Variants in FOXP2 observed in about 807,000 individuals in gnomAD.
FOXP2 encodes the protein forkhead box protein P2.
FOXP2 carries 12 observed loss-of-function variants against 115.8 expected under a neutral mutation model. The observed-to-expected ratio is 0.10, with a 90% CI of 0.07 to 0.17. FOXP2 has a LOEUF of 0.17. Ranked by LOEUF, FOXP2 falls within the 10% of genes least tolerant of loss-of-function variation. The probability of loss-of-function intolerance (pLI) is 1.00; values close to 1 mark genes in which losing one functional copy is unlikely to be tolerated. For missense variants in FOXP2, 629 were observed against 843.5 expected (o/e 0.75, Z 3.15); for synonymous variants, 328 against 297.7 (o/e 1.10, Z -1.05).
chr7:114,689,526 C>A (rs1808546361), intron 16 of FOXP2, among the ~76,000 whole-genome samples: 1 of 152,082 alleles, frequency 6.6e-6, no homozygotes, highest in Admixed American at 6.6e-5. Flanking sequence ...AGAAAGAATG[C>A]TGAGAAACGG....
At chr7:114,128,238 C>T (rs1268899536) in intron 1 of FOXP2, among the ~76,000 whole-genome samples, 2 of 152,036 alleles carry the variant, frequency 1.3e-5, no homozygotes, top group African/African-American at 4.8e-5. Context: ...TGCAAACAAA[C>T]CGAAGGAATT....
At chr7:114,533,893 T>C (rs1033193218) in intron 2 of FOXP2, among the ~76,000 whole-genome samples, 1 of 151,968 alleles carries the variant, frequency 6.6e-6, no homozygotes, top group African/African-American at 2.4e-5. Flanking sequence ...TAATTTCTTA[T>C]GTTAAGTTTT....
chr7:114,439,012 T>C (rs1794474682), intron 2 of FOXP2, among the ~76,000 whole-genome samples: 1 of 152,188 alleles, frequency 6.6e-6, no homozygotes, highest in African/African-American at 2.4e-5. Context: ...TGTATGTGAA[T>C]GTGTAATGAT....
At chr7:114,680,246 A>G (rs1287668189) in intron 16 of FOXP2, among the ~76,000 whole-genome samples, 1 of 152,194 alleles carries the variant, frequency 6.6e-6, no homozygotes, top group Non-Finnish European at 1.5e-5. Context: ...TTTTTGTAGT[A>G]AGGAAAATGT....
chr7:114,601,409 G>A (rs919943264), intron 3 of FOXP2, among the ~76,000 whole-genome samples: 1 of 152,130 alleles, frequency 6.6e-6, no homozygotes, highest in Non-Finnish European at 1.5e-5. Flanking sequence ...TTTCTCGTAT[G>A]TTAATTTTAG....
intron 2 of FOXP2, among the ~76,000 whole-genome samples, chr7:114,313,130 A>G (rs951131102): frequency 1.3e-5 from 2 of 152,148 alleles, no homozygotes; most frequent in Non-Finnish European, 1.5e-5. Context: ...AAGTTTCTAG[A>G]CTCACTACAT....
In FOXP2 at chr7:114,679,886, A is replaced by G. The variant is rs187765575; in HGVS notation, c.2004-9896A>G. ...TCTGCCTTGTGTTAAAGTTACTTGT[A>G]TATATGTCTTACCTCCTCTATTAGA... On this transcript the variant is annotated intron_variant, in intron 16 of 16. Coordinates refer to ENST00000350908, the MANE Select transcript of FOXP2 (RefSeq NM_014491.4). Among the ~76,000 whole-genome samples, 10 of 152,246 alleles carry G rather than the reference A, an allele frequency of 6.6e-5. No homozygotes were observed. The East Asian group carries it at 1.5e-3, about 24-fold the overall frequency.
At chr7:114,307,366 A>C (rs1797038319) in intron 2 of FOXP2, among the ~76,000 whole-genome samples, 1 of 152,132 alleles carries the variant, frequency 6.6e-6, no homozygotes. Context: ...AGTAGGTCTT[A>C]TTTTAGCCAG....
At chr7:114,567,454 C>G (rs1478667378) in intron 3 of FOXP2, among the ~76,000 whole-genome samples, 1 of 152,076 alleles carries the variant, frequency 6.6e-6, no homozygotes, top group East Asian at 1.9e-4. Context: ...ATGTTCAGCA[C>G]TAAATGACTT....
intron 2 of FOXP2, among the ~76,000 whole-genome samples, chr7:114,311,174 G>A (rs1797139900): frequency 6.6e-6 from 1 of 152,108 alleles, no homozygotes; most frequent in Non-Finnish European, 1.5e-5. Context: ...ATCACTTGAT[G>A]GTCACCTGAC....
chr7:114,146,960 A>G (rs1199664191), intron 1 of FOXP2, among the ~76,000 whole-genome samples: 3 of 152,196 alleles, frequency 2.0e-5, no homozygotes, highest in Admixed American at 6.5e-5. Flanking sequence ...GTATAGATGA[A>G]TAATCTTAGC....
chr7:114,505,119 T>G (rs1317922237), intron 2 of FOXP2, among the ~76,000 whole-genome samples: 2 of 151,626 alleles, frequency 1.3e-5, no homozygotes, highest in Admixed American at 6.6e-5. Context: ...CTGTTTCTTT[T>G]TTTGGAATAA....
At chr7:114,507,162 C>G (rs10279936) in intron 2 of FOXP2, among the ~76,000 whole-genome samples, 1 of 151,438 alleles carries the variant, frequency 6.6e-6, no homozygotes, top group East Asian at 1.9e-4. Context: ...CCTACCCCCC[C>G]CAAATAAACC....
At chr7:114,248,271 G>A (rs1677928321) in intron 1 of FOXP2, among the ~76,000 whole-genome samples, 1 of 151,706 alleles carries the variant, frequency 6.6e-6, no homozygotes, top group African/African-American at 2.4e-5. Context: ...AGCCTTTAAT[G>A]GATTAGATAA....
At chr7:114,519,136 T>C (rs905101814) in intron 2 of FOXP2, among the ~76,000 whole-genome samples, 2 of 152,172 alleles carry the variant, frequency 1.3e-5, no homozygotes, top group African/African-American at 4.8e-5. Context: ...ACATTAAACA[T>C]GGCATAGCTA....
At chr7:114,289,705 A>T (rs1269689772) in intron 2 of FOXP2, among the ~76,000 whole-genome samples, 1 of 151,894 alleles carries the variant, frequency 6.6e-6, no homozygotes, top group Admixed American at 6.6e-5. Context: ...TAGTCCTCAA[A>T]CTGATTTTGG....
intron 2 of FOXP2, among the ~76,000 whole-genome samples, chr7:114,460,037 A>G (rs1009782890): frequency 1.2e-4 from 18 of 152,292 alleles, no homozygotes; most frequent in Admixed American, 5.2e-4. Flanking sequence ...TGTCTTCAGA[A>G]CGATTGTGTA....
chr7:114,283,679 AG>A (rs1796391590), intron 1 of FOXP2, among the ~76,000 whole-genome samples: 2 of 152,130 alleles, frequency 1.3e-5, no homozygotes, highest in Admixed American at 1.3e-4. Context: ...TAAATCACCT[AG>A]GCTGGGCATA....
intron 1 of FOXP2, among the ~76,000 whole-genome samples, chr7:114,422,166 T>A (rs963468656): frequency 6.6e-6 from 1 of 151,786 alleles, no homozygotes; most frequent in African/African-American, 2.4e-5. Flanking sequence ...CTATTTGGAT[T>A]TAATGCATAT....
Sources: allele counts gnomAD v4.1 joint callset (sites outside exome capture counted in the v4.1 genomes callset), GRCh38; gene constraint gnomAD v4.1.1; transcripts MANE v1.5; gene names NCBI Gene and HGNC (gene_info 2026-07-23, HGNC 2026-07-21).